Variants in SDHC observed in about 807,000 individuals in gnomAD.
The protein encoded by SDHC is succinate dehydrogenase cytochrome b560 subunit, mitochondrial.
Under a neutral mutation model 22.6 loss-of-function variants are expected in SDHC, and 11 were observed. That is an observed-to-expected ratio of 0.49 (90% CI 0.31 to 0.81). The LOEUF is 0.81. Among genes scored for constraint, SDHC ranks in the 30% least tolerant of loss-of-function variants. The pLI, the probability that SDHC is intolerant of heterozygous loss-of-function variation, is 0.05. For synonymous variants in SDHC, 80 were observed against 77.8 expected (o/e 1.03, Z -0.15); for missense variants, 160 against 212.0 (o/e 0.75, Z 1.52).
Position 161,356,702 on chromosome 1 carries a change from C to T in SDHC, c.267C>T (p.Ala89=), listed in dbSNP as rs2102370462. The T allele has an allele frequency of 6.2e-7, 1 of 1,613,888 alleles. No individual in the cohort carries two copies. Among genetic ancestry groups the T allele is most frequent in the East Asian group, 2.2e-5 (1 of 44,880 alleles). The change falls in exon 5 of 6, where the codon GCC becomes GCT. Residue 89 remains alanine, a synonymous_variant. Transcript: ENST00000367975. ...SAGVSLFGMS[A]LLLPGNFESY... The stretch of plus-strand genomic sequence containing the variant: ...GGGTCTCTCTTTTTGGCATGTCGGC[C>T]CTGTTACTCCCTGGGAACTTTGAGT...
rs778582853 is a variant in SDHC at position 161,340,629 on chromosome 1, G to A, written c.215G>A (p.Arg72His). ...CCCATGGCGATGTCCATCTGCCACC[G>A]TGGCACTGGTATTGCTTTGAGTGCA... ...SLPMAMSICHRGTGIALSAGV... is the reference protein window; with the variant it reads ...SLPMAMSICHHGTGIALSAGV... The change falls in exon 4 of 6, where the codon CGT (arginine) becomes CAT (histidine). Residue 72 changes from arginine (R) to histidine (H), a missense_variant. Transcript: ENST00000367975. 3 of 1,613,790 alleles carry A rather than the reference G, an allele frequency of 1.9e-6. No homozygotes were observed. The highest frequency in any genetic ancestry group is 2.2e-5 in the East Asian group (1 of 44,882).
chr1:161,340,589 T>C lies in SDHC; in HGVS notation c.180-5T>C. 1 of 1,613,486 alleles carries C rather than the reference T, an allele frequency of 6.2e-7. No homozygotes were observed. ...TTAAAATTGTCTTTGTGTGTTTCTT[T>C]ACAGTTGGTCTCTTCCCATGGCGAT... On this transcript the variant is annotated splice_polypyrimidine_tract_variant and splice_region_variant and intron_variant, in intron 3 of 5. Coordinates refer to ENST00000367975, the MANE Select transcript of SDHC (RefSeq NM_003001.5).
chr1:161,341,824 A>G (rs549459753), intron 4 of SDHC, among the ~76,000 whole-genome samples: 1 of 151,946 alleles, frequency 6.6e-6, no homozygotes, highest in Non-Finnish European at 1.5e-5. Flanking sequence ...TTACTTGTTC[A>G]TTGTTGTTCT....
chr1:161,355,387 C>T (rs116342559), intron 4 of SDHC, among the ~76,000 whole-genome samples: 3,055 of 152,214 alleles, frequency 0.02, 95 homozygotes, highest in African/African-American at 0.07. Context: ...TATTTTCTCC[C>T]ATTCCTTTGA....
At chr1:161,349,308 T>C (rs35215727) in intron 4 of SDHC, among the ~76,000 whole-genome samples, 57,177 of 151,550 alleles carry the variant, frequency 0.38, 12,059 homozygotes, top group African/African-American at 0.58. Context: ...ACTAAAAATA[T>C]AAAAAATTAG....
At chr1:161,348,666 CAAA>C (rs1159653901) in intron 4 of SDHC, among the ~76,000 whole-genome samples, 14 of 70,920 alleles carry the variant, frequency 2.0e-4, no homozygotes, top group Non-Finnish European at 2.9e-4. Flanking sequence ...ACTAAAAATC[CAAA>C]AAAAAAAAAA....
chr1:161,317,789 G>A (rs1670682221), intron 1 of SDHC, among the ~76,000 whole-genome samples: 1 of 150,952 alleles, frequency 6.6e-6, no homozygotes, highest in Non-Finnish European at 1.5e-5. Flanking sequence ...TTGAACTCCT[G>A]ACCTCAGGTG....
chr1:161,322,549 C>CT lies in SDHC; in HGVS notation c.21-1058dup, dbSNP rs1487944764. Among the ~76,000 whole-genome samples the CT allele has an allele frequency of 2.7e-5, 4 of 150,780 alleles. No homozygotes were observed. The East Asian group carries it at 7.8e-4, about 29-fold the overall frequency. Reference sequence around the variant, plus strand: ...TCACAAACCCCTTGTACTCTTAAACCTTTTTTTGTTTGTTTGTTTTTGTTT... The same window carrying CT: ...TCACAAACCCCTTGTACTCTTAAACCTTTTTTTTGTTTGTTTGTTTTTGTTT... On this transcript the variant is annotated intron_variant, in intron 1 of 5. Transcript: ENST00000367975.
At chr1:161,315,372 G>C (rs1356926637) in intron 1 of SDHC, among the ~76,000 whole-genome samples, 1 of 152,156 alleles carries the variant, frequency 6.6e-6, no homozygotes, top group Non-Finnish European at 1.5e-5. Flanking sequence ...GATTCCTCTT[G>C]GAGTTGAAAT....
At chr1:161,335,793 A>C (rs747076083) in intron 3 of SDHC, among the ~76,000 whole-genome samples, 8 of 152,152 alleles carry the variant, frequency 5.3e-5, no homozygotes, top group Non-Finnish European at 1.2e-4. Context: ...TGTGTATATA[A>C]GTATATACAT....
chr1:161,315,074 A>G (rs1670557188), intron 1 of SDHC, among the ~76,000 whole-genome samples: 1 of 152,166 alleles, frequency 6.6e-6, no homozygotes, highest in Admixed American at 6.5e-5. Flanking sequence ...AGTTGTCCAG[A>G]GAAATACCCT....
At chr1:161,332,794 A>C (rs1423459706) in intron 3 of SDHC, among the ~76,000 whole-genome samples, 1 of 151,828 alleles carries the variant, frequency 6.6e-6, no homozygotes, top group African/African-American at 2.4e-5. Flanking sequence ...ACCATGCCTG[A>C]CTAATTTTTG....
At chr1:161,318,028 C>A (rs1326854698) in intron 1 of SDHC, among the ~76,000 whole-genome samples, 1 of 151,702 alleles carries the variant, frequency 6.6e-6, no homozygotes, top group East Asian at 2.0e-4. Context: ...AAAAATTAGC[C>A]GGGTGTGATG....
intron 4 of SDHC, among the ~76,000 whole-genome samples, chr1:161,353,862 G>GA (rs1392886613): frequency 1.3e-5 from 2 of 152,042 alleles, no homozygotes; most frequent in Non-Finnish European, 2.9e-5. Flanking sequence ...TAAATGGAAA[G>GA]AAAAAAATAT....
At chr1:161,328,635 GTA>G in intron 3 of SDHC, 138 bp downstream of exon 3, 1 of 692,456 alleles carries the variant, frequency 1.4e-6, no homozygotes, top group Admixed American at 2.1e-5. Context: ...ACCCTTCAGG[GTA>G]GAGGGAGATG....
rs138990024 is a variant in SDHC at position 161,344,262 on chromosome 1, C to T, written c.241+3607C>T. Among the ~76,000 whole-genome samples the T allele has an allele frequency of 6.0e-3, 909 of 152,122 alleles. 14 individuals carry two copies. The highest frequency in any genetic ancestry group is 0.021 in the African/African-American group (854 of 41,514). On this transcript the variant is annotated intron_variant, in intron 4 of 5. Transcript: ENST00000367975. ...CTGAGATTGCGCCACTGCACTCCAGCCTGGGAGACAGAGCGAGACTCCGTC... is the reference window on the plus strand; with the variant it reads ...CTGAGATTGCGCCACTGCACTCCAGTCTGGGAGACAGAGCGAGACTCCGTC...
chr1:161,334,931 A>G (rs1671414170), intron 3 of SDHC, among the ~76,000 whole-genome samples: 1 of 152,172 alleles, frequency 6.6e-6, no homozygotes, highest in African/African-American at 2.4e-5. Flanking sequence ...TACAACCATC[A>G]CAATGTTACT....
rs186916521 is a variant in SDHC at position 161,345,080 on chromosome 1, A to G, written c.241+4425A>G. ...ACTTTAGCACTTAGATTAAAATTCA[A>G]ATATCCACCTTTGCCCTGCCAGCTC... is the stretch of plus-strand genomic sequence containing the variant. On this transcript the variant is annotated intron_variant, in intron 4 of 5. Transcript: ENST00000367975. 1.4e-4 allele frequency among the ~76,000 whole-genome samples: 22 copies of G among 152,280 alleles called. 1 individual carries two copies. In the East Asian group the frequency reaches 1.9e-3, roughly 13 times the overall value.
intron 5 of SDHC, among the ~76,000 whole-genome samples, chr1:161,357,409 T>A (rs944627065): frequency 3.3e-5 from 5 of 152,158 alleles, no homozygotes; most frequent in Admixed American, 6.6e-5. Flanking sequence ...AATTTAATTT[T>A]ATTTTTTGAG....
Sources: gnomAD v4.1 joint callset for allele counts (sites outside exome capture counted in the v4.1 genomes callset) on GRCh38, gnomAD v4.1.1 for gene constraint, MANE v1.5 for transcripts, NCBI Gene and HGNC (gene_info 2026-07-23, HGNC 2026-07-21) for gene names.